The following FAM184A variants were observed in gnomAD, a reference collection of about 807,000 sequenced individuals.
FAM184A encodes family with sequence similarity 184 member A.
FAM184A carries 99 observed loss-of-function variants against 143.8 expected under a neutral mutation model. The ratio of observed to expected loss-of-function variants is 0.69; its 90% CI spans 0.58 to 0.81. The LOEUF (loss-of-function observed/expected upper bound fraction) is 0.81, where lower values mean the gene tolerates loss of function less well. Ranked by LOEUF, FAM184A falls within the 40% of genes least tolerant of loss-of-function variation. The probability of loss-of-function intolerance (pLI) is 0.00; values close to 1 mark genes in which losing one functional copy is unlikely to be tolerated. For synonymous variants in FAM184A, 427 were observed against 446.4 expected (o/e 0.96, Z 0.55); for missense variants, 1,217 against 1,310.5 (o/e 0.93, Z 1.10).
chr6:119,082,810 C>A (rs1788110037), upstream of FAM184A, among the ~76,000 whole-genome samples: 1 of 152,174 alleles, frequency 6.6e-6, no homozygotes, highest in Non-Finnish European at 1.5e-5. Context: ...TGTCAGTAGA[C>A]CTAATATTAT....
chr6:118,991,570 G>T (rs1273724916), intron 9 of FAM184A, among the ~76,000 whole-genome samples: 1 of 152,024 alleles, frequency 6.6e-6, no homozygotes, highest in African/African-American at 2.4e-5. Context: ...CAAAGCCCCT[G>T]AAGGTGAAAG....
rs1412205704 is a variant in FAM184A at position 119,024,116 on chromosome 6, T to G, written c.857A>C (p.Asp286Ala). ...TTGTCCCTGAAATTCTTTTCTAAGATCAGCTTCCTTTTCTTTGCTGGCCTG... is the reference window on the plus strand; with the variant it reads ...TTGTCCCTGAAATTCTTTTCTAAGAGCAGCTTCCTTTTCTTTGCTGGCCTG... ...SLQASKEKEA[D>A]LRKEFQGQEA... Residue 286 changes from aspartate (D) to alanine (A), a missense_variant, in exon 2 of 18, where the codon GAT becomes GCT. Coordinates refer to ENST00000338891, the MANE Select transcript of FAM184A (RefSeq NM_024581.6). 1 of 1,614,074 alleles carries G rather than the reference T, an allele frequency of 6.2e-7. No individual in the cohort carries two copies. The highest frequency in any genetic ancestry group is 1.3e-5 in the African/African-American group (1 of 74,918).
intron 1 of FAM184A, among the ~76,000 whole-genome samples, chr6:119,126,313 C>T (rs1789364590): frequency 1.3e-5 from 2 of 152,330 alleles, no homozygotes; most frequent in South Asian, 2.1e-4. Flanking sequence ...CAGGAAGAGC[C>T]CAGTCACTTT....
intron 1 of FAM184A, among the ~76,000 whole-genome samples, chr6:119,125,842 G>A (rs1407077470): frequency 6.6e-6 from 1 of 152,132 alleles, no homozygotes; most frequent in African/African-American, 2.4e-5. Flanking sequence ...GGACTTCCTG[G>A]TAGCACTCCA....
At chr6:119,139,131 T>A (rs1562165890) in intron 1 of FAM184A, among the ~76,000 whole-genome samples, 1 of 152,100 alleles carries the variant, frequency 6.6e-6, no homozygotes, top group South Asian at 2.1e-4. Flanking sequence ...CCCATGTAGC[T>A]CAAATCATGA....
At position 119,078,060 on chromosome 6, in the gene FAM184A, G is replaced by T; in HGVS notation, c.159+81C>A. ...GAGTTCCCCTCGCTGCGGGCGCAGG[G>T]CGCACTGCCTCCCGGGGAGACAGGT... is the stretch of plus-strand genomic sequence containing the variant. On this transcript the variant is annotated intron_variant, in intron 1 of 17. Transcript: ENST00000338891. The surrounding 1 kb of genome is among the most constrained non-coding windows in gnomAD (Gnocchi z 5.5). 6.8e-7 allele frequency: 1 copy of T among 1,472,718 alleles called. No homozygotes were observed. The highest frequency in any genetic ancestry group is 9.1e-7 in the Non-Finnish European group (1 of 1,102,492). The allele number at this position is 1,472,718 out of a possible 1,614,324, so 91.2% of individuals were successfully genotyped here.
chr6:119,111,122 C>A (rs928505447), intron 1 of FAM184A, among the ~76,000 whole-genome samples: 1 of 152,130 alleles, frequency 6.6e-6, no homozygotes, highest in Non-Finnish European at 1.5e-5. Context: ...GGAAGCAACC[C>A]AAGTGTCCCT....
At chr6:119,003,822 T>G (rs191264354) in intron 7 of FAM184A, among the ~76,000 whole-genome samples, 200 bp from the exon 8 acceptor site, 9 of 152,348 alleles carry the variant, frequency 5.9e-5, no homozygotes, top group Admixed American at 5.2e-4. Context: ...TTACATGTTC[T>G]TGTCTAAACT....
intron 1 of FAM184A, among the ~76,000 whole-genome samples, chr6:119,131,257 G>T (rs1171005640): frequency 6.6e-6 from 1 of 152,176 alleles, no homozygotes; most frequent in Non-Finnish European, 1.5e-5. Context: ...TTCTCAGCTA[G>T]TCAGACTTGA....
chr6:119,025,651 C>T (rs764537620), intron 1 of FAM184A: 6 of 517,084 alleles, frequency 1.2e-5, no homozygotes, highest in African/African-American at 1.9e-5. Context: ...CTCTGTTCCT[C>T]GGATGCCATC....
chr6:119,058,294 CTGCCTCAGCCTCCCTACTGAGCCTCT>C (rs931184932), intron 1 of FAM184A, among the ~76,000 whole-genome samples: 3 of 150,136 alleles, frequency 2.0e-5, no homozygotes, highest in Admixed American at 6.7e-5. Context: ...AGCAATTCTC[CTGCCTCAGCCTCCCTACTGAGCCTCT>C]TGCCTCAGTA....
intron 3 of FAM184A, among the ~76,000 whole-genome samples, chr6:119,021,069 C>T (rs2066408): frequency 0.49 from 74,030 of 151,948 alleles, 18,835 homozygotes; most frequent in Non-Finnish European, 0.54. Flanking sequence ...TCACCAGCAT[C>T]ACCTGGGAAC....
intron 1 of FAM184A, among the ~76,000 whole-genome samples, chr6:119,050,761 C>T (rs1353180790): frequency 7.9e-5 from 12 of 151,364 alleles, no homozygotes; most frequent in South Asian, 2.1e-4. Flanking sequence ...GCCGAGATTG[C>T]GCCACTGCAG....
intron 6 of FAM184A, among the ~76,000 whole-genome samples, chr6:119,009,205 T>G (rs191625434): frequency 1.3e-5 from 2 of 152,288 alleles, no homozygotes; most frequent in Admixed American, 1.3e-4. Flanking sequence ...AAGCACTAAA[T>G]AAATATTATT....
chr6:118,987,425 G>C (rs1458797531), intron 9 of FAM184A, among the ~76,000 whole-genome samples: 3 of 152,144 alleles, frequency 2.0e-5, no homozygotes, highest in African/African-American at 4.8e-5. Flanking sequence ...GGTTTGGTGT[G>C]AAAATAAATC....
rs149493687 is a variant in FAM184A, at chr6:119,139,620, C to T, written c.-202+9458G>A. On this transcript the variant is annotated intron_variant, in intron 1 of 16. Coordinates refer to the FAM184A transcript ENST00000352896. ...CTCAGCAATTTCTTAAAGTATTATA[C>T]GTTCTCATAATGTTGTATATTTAAA... Among the ~76,000 whole-genome samples, 89 of 146,116 alleles carry T rather than the reference C, an allele frequency of 6.1e-4. No homozygotes were observed. In the East Asian group the frequency reaches 0.015, roughly 25 times the overall value.
At chr6:119,034,747 TCCTACCTACCACTGCTTA>T (rs1562483012) in intron 1 of FAM184A, among the ~76,000 whole-genome samples, 1 of 152,152 alleles carries the variant, frequency 6.6e-6, no homozygotes, top group Admixed American at 6.5e-5. Flanking sequence ...TCTCAATCCA[TCCTACCTACCACTGCTTA>T]CAGTATCTAA....
At chr6:119,002,187 T>G (rs1784781914) in intron 9 of FAM184A, among the ~76,000 whole-genome samples, 1 of 152,200 alleles carries the variant, frequency 6.6e-6, no homozygotes, top group Admixed American at 6.5e-5. Flanking sequence ...GGTAGGTTTC[T>G]GGAACTACAT....
Position 118,980,331 on chromosome 6 carries a change from T to C in FAM184A, c.2108A>G (p.Asn703Ser), listed in dbSNP as rs772096482. The C allele has an allele frequency of 3.1e-6, 5 of 1,613,914 alleles. No individual in the cohort carries two copies. Among genetic ancestry groups the C allele is most frequent in the Non-Finnish European group, 4.2e-6 (5 of 1,179,880 alleles). ...LLNQISLLKQ[N>S]LEIQLSQSQT... ...AGACTGGGAAAGCTGTATCTCCAGATTCTGTTTCAGCAAGGAAATCTATGC... is the reference window on the plus strand; with the variant it reads ...AGACTGGGAAAGCTGTATCTCCAGACTCTGTTTCAGCAAGGAAATCTATGC... Residue 703 changes from asparagine (N) to serine (S), a missense_variant, in exon 10 of 18, where the codon AAT (asparagine) becomes AGT (serine). Coordinates refer to ENST00000338891, the MANE Select transcript of FAM184A (RefSeq NM_024581.6).
Sources: gnomAD v4.1 joint callset for allele counts (sites outside exome capture counted in the v4.1 genomes callset) on GRCh38, gnomAD v4.1.1 for gene constraint, Gnocchi (gnomAD v3.1) non-coding constraint, MANE v1.5 for transcripts, NCBI Gene and HGNC (gene_info 2026-07-23, HGNC 2026-07-21) for gene names.